The following LRMDA variants were observed in gnomAD, a reference collection of about 807,000 sequenced individuals.
LRMDA encodes the protein leucine-rich melanocyte differentiation-associated protein.
Under a neutral mutation model 29.8 loss-of-function variants are expected in LRMDA, and 18 were observed. That is an observed-to-expected ratio of 0.60 (90% CI 0.42 to 0.90). The LOEUF (loss-of-function observed/expected upper bound fraction) is 0.90. Ranked by LOEUF, LRMDA falls within the 40% of genes least tolerant of loss-of-function variation. The pLI is 0.00. For missense variants in LRMDA, 273 were observed against 273.9 expected (o/e 1.00, Z 0.02); for synonymous variants, 125 against 109.4 (o/e 1.14, Z -0.89).
chr10:76,059,469 G>A (rs1848669829), intron 5 of LRMDA, among the ~76,000 whole-genome samples: 1 of 152,208 alleles, frequency 6.6e-6, no homozygotes, highest in African/African-American at 2.4e-5. Flanking sequence ...GGACATGGAT[G>A]ACTATCTCTT....
chr10:76,415,813 G>A (rs990288914), intron 6 of LRMDA, among the ~76,000 whole-genome samples: 6 of 152,136 alleles, frequency 3.9e-5, no homozygotes, highest in Non-Finnish European at 5.9e-5. Flanking sequence ...GTTCCTGTGC[G>A]CACGAGATGC....
chr10:75,834,927 C>G (rs566966172), intron 2 of LRMDA, among the ~76,000 whole-genome samples: 16 of 152,334 alleles, frequency 1.1e-4, no homozygotes, highest in Non-Finnish European at 2.2e-4. Context: ...CCTGTTCAAG[C>G]CCATGTAAGC....
intron 5 of LRMDA, among the ~76,000 whole-genome samples, chr10:76,123,775 C>G (rs1443673294): frequency 6.6e-6 from 1 of 152,206 alleles, no homozygotes; most frequent in African/African-American, 2.4e-5. Flanking sequence ...GGCACAGGAT[C>G]CTGGCTGAGG....
intron 6 of LRMDA, among the ~76,000 whole-genome samples, chr10:76,395,877 A>T (rs918101724): frequency 1.3e-5 from 2 of 152,282 alleles, no homozygotes; most frequent in African/African-American, 4.8e-5. Context: ...TGGCGAGAAT[A>T]GAATATAAAC....
At chr10:76,047,527 G>T (rs1848461160) in intron 4 of LRMDA, among the ~76,000 whole-genome samples, 1 of 152,094 alleles carries the variant, frequency 6.6e-6, no homozygotes, top group Non-Finnish European at 1.5e-5. Context: ...TACTTTTTTT[G>T]TGAAGTGCCA....
At chr10:75,940,769 GGTGT>G (rs143463038) in intron 2 of LRMDA, among the ~76,000 whole-genome samples, 1 of 151,474 alleles carries the variant, frequency 6.6e-6, no homozygotes, top group African/African-American at 2.4e-5. Flanking sequence ...AAATTTATGG[GGTGT>G]GTGTGTGTGT....
At chr10:76,410,464 A>G (rs1279204618) in intron 6 of LRMDA, among the ~76,000 whole-genome samples, 1 of 151,604 alleles carries the variant, frequency 6.6e-6, no homozygotes, top group Non-Finnish European at 1.5e-5. Flanking sequence ...ACATACCAAC[A>G]TGCCTGGCTA....
intron 6 of LRMDA, among the ~76,000 whole-genome samples, chr10:76,393,945 C>T (rs1340604590): frequency 1.3e-5 from 2 of 152,022 alleles, no homozygotes; most frequent in Non-Finnish European, 2.9e-5. Context: ...GTTCTTGGTA[C>T]CTTTGTGGAA....
rs1006575002 is a variant in LRMDA, at chr10:75,616,234, T to TAGCAGCAGCAGCAGCAGC, written c.131+177745_131+177746insCAGCAGCAGCAGCAGCAG. Among the ~76,000 whole-genome samples, 82 of 146,816 alleles carry TAGCAGCAGCAGCAGCAGC rather than the reference T, an allele frequency of 5.6e-4. 1 individual carries two copies. Among genetic ancestry groups the TAGCAGCAGCAGCAGCAGC allele is most frequent in the African/African-American group, 2.0e-3 (73 of 36,540 alleles). ...TTCACTACCATGAGAACAGTAATAGTAGCAGTAGCAGCAGTAGCAGCAGCA... is the reference window on the plus strand; with the variant it reads ...TTCACTACCATGAGAACAGTAATAGTAGCAGCAGCAGCAGCAGCAGCAGTAGCAGCAGTAGCAGCAGCA... On this transcript the variant is annotated intron_variant, in intron 2 of 6. Coordinates refer to ENST00000611255, the MANE Select transcript of LRMDA (RefSeq NM_001305581.2).
chr10:76,292,682 C>G (rs1564713700), intron 5 of LRMDA, among the ~76,000 whole-genome samples: 1 of 151,938 alleles, frequency 6.6e-6, no homozygotes, highest in East Asian at 1.9e-4. Flanking sequence ...TACTTTATGA[C>G]TCTTTATGCA....
chr10:75,499,650 A>T (rs565194712), intron 2 of LRMDA, among the ~76,000 whole-genome samples: 2 of 152,316 alleles, frequency 1.3e-5, no homozygotes, highest in East Asian at 3.9e-4. Context: ...TTCTCCCAGT[A>T]CCAAAACTTG....
chr10:75,651,235 C>T (rs1841595911), intron 2 of LRMDA, among the ~76,000 whole-genome samples: 1 of 152,172 alleles, frequency 6.6e-6, no homozygotes, highest in Non-Finnish European at 1.5e-5. Context: ...ATGTATACCT[C>T]ATCTACCAGT....
intron 2 of LRMDA, among the ~76,000 whole-genome samples, chr10:75,636,837 G>A (rs970976915): frequency 2.0e-5 from 3 of 151,674 alleles, no homozygotes; most frequent in African/African-American, 4.8e-5. Flanking sequence ...GACCAGAATT[G>A]GCAAAGACTT....
At chr10:76,190,516 G>A (rs1851225632) in intron 5 of LRMDA, among the ~76,000 whole-genome samples, 2 of 152,158 alleles carry the variant, frequency 1.3e-5, no homozygotes, top group African/African-American at 2.4e-5. Context: ...TCCTTTGGAG[G>A]CCTAGGGCCT....
chr10:76,522,448 A>ATATT (rs1843130861), intron 6 of LRMDA, among the ~76,000 whole-genome samples: 1 of 152,192 alleles, frequency 6.6e-6, no homozygotes. Flanking sequence ...CAGTCAATAA[A>ATATT]TATTTGTTGA....
intron 2 of LRMDA, among the ~76,000 whole-genome samples, chr10:75,736,704 A>G (rs1454663711): frequency 6.6e-6 from 1 of 152,240 alleles, no homozygotes; most frequent in Non-Finnish European, 1.5e-5. Context: ...GAAGTTTTTT[A>G]CATTTTAGTT....
At chr10:76,543,630 G>A (rs1326185706) in intron 6 of LRMDA, among the ~76,000 whole-genome samples, 1 of 152,032 alleles carries the variant, frequency 6.6e-6, no homozygotes, top group African/African-American at 2.4e-5. Context: ...GAGACTCAGT[G>A]GGCTGAATTT....
intron 2 of LRMDA, among the ~76,000 whole-genome samples, chr10:76,000,403 G>A (rs1197270286): frequency 6.6e-6 from 1 of 152,318 alleles, no homozygotes; most frequent in Admixed American, 6.5e-5. Context: ...GTGTGCATCT[G>A]TGTGCACAGG....
chr10:75,706,998 C>G (rs1056281238), intron 2 of LRMDA, among the ~76,000 whole-genome samples: 1 of 152,138 alleles, frequency 6.6e-6, no homozygotes, highest in Non-Finnish European at 1.5e-5. Flanking sequence ...ATTGTTGTTC[C>G]CTTCTGCATA....
Sources: allele counts gnomAD v4.1 joint callset (sites outside exome capture counted in the v4.1 genomes callset), GRCh38; gene constraint gnomAD v4.1.1; transcripts MANE v1.5; gene names NCBI Gene and HGNC (gene_info 2026-07-23, HGNC 2026-07-21).